The following SLC19A3 variants were observed in gnomAD, a reference collection of about 807,000 sequenced individuals.
The protein encoded by SLC19A3 is thiamine transporter 2.
SLC19A3 carries 31 observed loss-of-function variants against 40.2 expected under a neutral mutation model. The ratio of observed to expected loss-of-function variants is 0.77; its 90% CI spans 0.58 to 1.04. The LOEUF is 1.04. Among genes scored for constraint, SLC19A3 ranks in the 50% least tolerant of loss-of-function variants. SLC19A3 has a pLI of 0.00. For missense variants in SLC19A3, 592 were observed against 596.7 expected (o/e 0.99, Z 0.08); for synonymous variants, 212 against 227.5 (o/e 0.93, Z 0.61).
At chr2:227,707,126 A>G (rs1695974733) in intron 1 of SLC19A3, among the ~76,000 whole-genome samples, 1 of 152,178 alleles carries the variant, frequency 6.6e-6, no homozygotes, top group Admixed American at 6.5e-5. Flanking sequence ...GCAGCACACC[A>G]CATGAGCCCT....
At chr2:227,714,706 A>T in intron 1 of SLC19A3, 22 of 301,604 alleles carry the variant, frequency 7.3e-5, no homozygotes, top group South Asian at 1.8e-4. Flanking sequence ...TCCCATCCAA[A>T]AAAAAAAAAA....
intron 2 of SLC19A3, chr2:227,701,369 C>G (rs1695680519): frequency 1.6e-5 from 3 of 184,132 alleles, no homozygotes; most frequent in African/African-American, 7.1e-5. Flanking sequence ...CGCCTGTAAT[C>G]CCAGCATTTT....
chr2:227,695,896 T>C lies in SLC19A3; in HGVS notation c.1165A>G (p.Ile389Val). ...GTGGTTGGTAAAACTTACACTGCTA[T>C]GGTTATAAGAAGCATATAGCTGGAC... Reference protein sequence around the residue: ...FKSSYMLLITIAVFQIAVNLN... With the variant: ...FKSSYMLLITVAVFQIAVNLN... The change falls in exon 4 of 6, where the codon ATA becomes GTA. Residue 389 changes from isoleucine to valine, a missense_variant. Physicochemically the swap from Ile to Val is conservative, Grantham distance 29. Transcript: ENST00000644224. 6.2e-7 allele frequency: 1 copy of C among 1,614,062 alleles called. No individual in the cohort carries two copies. The highest frequency in any genetic ancestry group is 1.1e-5 in the South Asian group (1 of 91,090).
chr2:227,711,515 G>C (rs903416538), intron 1 of SLC19A3, among the ~76,000 whole-genome samples: 17 of 152,094 alleles, frequency 1.1e-4, no homozygotes, highest in African/African-American at 3.6e-4. Flanking sequence ...TTGTATTCTG[G>C]CTGTAACTTC....
chr2:227,717,145 G>T (rs2106347035), intron 1 of SLC19A3, among the ~76,000 whole-genome samples: 1 of 151,986 alleles, frequency 6.6e-6, no homozygotes, highest in East Asian at 1.9e-4. Context: ...TGGGATTACA[G>T]GCACCCGCCA....
In SLC19A3 at chr2:227,699,116, T is replaced by C. The variant is rs755912406; in HGVS notation, c.599A>G (p.His200Arg). ...LPMPKKSMFFHAKPSREIKKS... is the reference protein window; with the variant it reads ...LPMPKKSMFFRAKPSREIKKS... ...CTTTATTTCTCTGCTGGGTTTTGCATGAAAAAACATGCTTTTCTTGGGCAT... is the reference window on the plus strand; with the variant it reads ...CTTTATTTCTCTGCTGGGTTTTGCACGAAAAAACATGCTTTTCTTGGGCAT... The change falls in exon 3 of 6, where the codon CAT becomes CGT. Residue 200 changes from histidine (H) to arginine (R), a missense_variant. By Grantham distance (29) the His-to-Arg change is conservative. Coordinates refer to ENST00000644224, the MANE Select transcript of SLC19A3 (RefSeq NM_025243.4). 1 of 1,614,172 alleles carries C rather than the reference T, an allele frequency of 6.2e-7. No homozygotes were observed. Among genetic ancestry groups the C allele is most frequent in the East Asian group, 2.2e-5 (1 of 44,882 alleles).
chr2:227,705,767 A>G (rs953489983), intron 1 of SLC19A3, among the ~76,000 whole-genome samples: 2 of 152,164 alleles, frequency 1.3e-5, no homozygotes, highest in South Asian at 4.1e-4. Context: ...CTTGGCTTAT[A>G]CCAAGGTGAT....
At chr2:227,702,903 C>T (rs1318713981) in intron 1 of SLC19A3, 4 of 156,408 alleles carry the variant, frequency 2.6e-5, no homozygotes, top group Non-Finnish European at 5.6e-5. Context: ...AGGAAGGAAA[C>T]TAATTTGTTG....
chr2:227,693,797 G>A (rs1419902283), intron 4 of SLC19A3, among the ~76,000 whole-genome samples: 1 of 151,818 alleles, frequency 6.6e-6, no homozygotes, highest in African/African-American at 2.4e-5. Context: ...CCACAGAATG[G>A]AAAAACAAAT....
chr2:227,690,706 C>CAAAAAAAAAAA (rs34163746), intron 4 of SLC19A3, among the ~76,000 whole-genome samples: 1 of 39,166 alleles, frequency 2.6e-5, no homozygotes, highest in Admixed American at 4.5e-4. Flanking sequence ...GACTCCATCT[C>CAAAAAAAAAAA]AAAAAAAAAA....
Position 227,702,236 on chromosome 2 carries a change from A to G in SLC19A3, c.83T>C (p.Met28Thr). 6.2e-7 allele frequency: 1 copy of G among 1,613,432 alleles called. No individual in the cohort carries two copies. ...ILCLFGFFSM[M>T]RPSEPFLIPY... ...GATAAGGAATGGTTCTGAGGGTCTC[A>G]TCATGGAGAAAAAACCAAATAAGCA... The change falls in exon 2 of 6, where the codon ATG becomes ACG. Residue 28 changes from methionine (M) to threonine (T), a missense_variant. By Grantham distance (81) the Met-to-Thr change is moderately conservative. Coordinates refer to ENST00000644224, the MANE Select transcript of SLC19A3 (RefSeq NM_025243.4).
rs1260546363 is a variant in SLC19A3 at position 227,695,761 on chromosome 2, T to A, written c.1172+128A>T. 4 of 906,730 alleles carry A rather than the reference T, an allele frequency of 4.4e-6. No individual in the cohort carries two copies. The Admixed American group carries it at 8.3e-5, about 19-fold the overall frequency. The allele number at this position is 906,730 out of a possible 1,614,324, so 56.2% of individuals were successfully genotyped here. A position where few individuals can be genotyped will look rare whatever the true frequency, so the allele number is the denominator to read the frequency against. ...AAAAGTTGGCTTAGTTGTGTCTAAT[T>A]TAATATAAAGCAGTCAACATTTAAT... On this transcript the variant is annotated intron_variant, in intron 4 of 5. Transcript: ENST00000644224.
intron 1 of SLC19A3, among the ~76,000 whole-genome samples, chr2:227,711,098 C>T (rs1280138537): frequency 6.6e-6 from 1 of 152,166 alleles, no homozygotes; most frequent in Admixed American, 6.6e-5. Context: ...TCTTGCTTAA[C>T]CACCGTCGTT....
In SLC19A3 at chr2:227,687,484, C is replaced by T. The variant is rs1248115554; in HGVS notation, c.1404G>A (p.Lys468=). The change falls in exon 6 of 6, where the codon AAG becomes AAA. Residue 468 remains lysine, a synonymous_variant. Coordinates refer to ENST00000644224, the MANE Select transcript of SLC19A3 (RefSeq NM_025243.4). ...MYITYSTKSQ[K]DVQSPAPSEN... is the part of the protein sequence containing the mutation. ...CACTTGGAGCAGGGCTCTGTACATC[C>T]TTCTGGGATTTGGTTGAGTAGGTAA... 2.5e-6 allele frequency: 4 copies of T among 1,614,130 alleles called. No homozygotes were observed. The highest frequency in any genetic ancestry group is 3.4e-6 in the Non-Finnish European group (4 of 1,180,004).
chr2:227,711,419 C>CAAAAAAAAAA (rs140919791), intron 1 of SLC19A3, among the ~76,000 whole-genome samples: 1 of 97,414 alleles, frequency 1.0e-5, no homozygotes, highest in African/African-American at 3.3e-5. Flanking sequence ...GACTCTGTCT[C>CAAAAAAAAAA]AAAAAAATAA....
At chr2:227,690,145 A>G (rs1056202729) in intron 4 of SLC19A3, among the ~76,000 whole-genome samples, 2 of 152,254 alleles carry the variant, frequency 1.3e-5, no homozygotes, top group African/African-American at 2.4e-5. Flanking sequence ...TTACTTATCA[A>G]TCTAAACTCT....
Position 227,716,993 on chromosome 2 carries a change from C to CTTTT in SLC19A3, c.-3+946_-3+949dup, listed in dbSNP as rs61164911. On this transcript the variant is annotated intron_variant, in intron 1 of 5. Coordinates refer to ENST00000644224, the MANE Select transcript of SLC19A3 (RefSeq NM_025243.4). ...GATAGGAGCAAAACACATGAGAGTG[C>CTTTT]TTTTTTTTTTTTTTTTTTTTTTTTT... Among the ~76,000 whole-genome samples, 10 of 67,140 alleles carry CTTTT rather than the reference C, an allele frequency of 1.5e-4. 1 individual carries two copies. Among genetic ancestry groups the CTTTT allele is most frequent in the Admixed American group, 4.5e-4 (2 of 4,426 alleles). 44.0% of individuals were successfully genotyped at this position (67,140 alleles called of 152,430 possible).
intron 1 of SLC19A3, among the ~76,000 whole-genome samples, chr2:227,709,471 G>A (rs903446194): frequency 2.0e-5 from 3 of 152,076 alleles, no homozygotes; most frequent in Non-Finnish European, 2.9e-5. Context: ...GTGACAGAGC[G>A]AGACTCTGTC....
At chr2:227,706,949 G>A (rs1473195724) in intron 1 of SLC19A3, among the ~76,000 whole-genome samples, 1 of 152,196 alleles carries the variant, frequency 6.6e-6, no homozygotes, top group African/African-American at 2.4e-5. Flanking sequence ...GGACTTGGAC[G>A]CACAGGAGAG....
Sources: allele counts gnomAD v4.1 joint callset (sites outside exome capture counted in the v4.1 genomes callset), GRCh38; gene constraint gnomAD v4.1.1; transcripts MANE v1.5; gene names NCBI Gene and HGNC (gene_info 2026-07-23, HGNC 2026-07-21).